ABHD3: variants seen among roughly 807,000 people sequenced by gnomAD.
ABHD3 encodes abhydrolase domain containing 3, phospholipase, also known as phospholipase ABHD3.
ABHD3 carries 46 observed loss-of-function variants against 48.8 expected under a neutral mutation model. The observed-to-expected ratio is 0.94, with a 90% CI of 0.74 to 1.20. The LOEUF is 1.20. Ranked by LOEUF, ABHD3 falls within the 50% of genes most tolerant of loss-of-function variation. The pLI is 0.00. For missense variants in ABHD3, 490 were observed against 497.8 expected (o/e 0.98, Z 0.15); for synonymous variants, 192 against 183.7 (o/e 1.04, Z -0.36).
rs765555241 is a variant in ABHD3 at position 21,702,356 on chromosome 18, T to C, written c.469A>G (p.Ile157Val). 6.2e-7 allele frequency: 1 copy of C among 1,612,960 alleles called. No individual in the cohort carries two copies. The highest frequency in any genetic ancestry group is 8.5e-7 in the Non-Finnish European group (1 of 1,179,608). The change falls in exon 3 of 9, where the codon ATC becomes GTC. Residue 157 changes from isoleucine to valine, a missense_variant. By Grantham distance (29) the Ile-to-Val change is conservative (BLOSUM62 3). Transcript: ENST00000289119. ...GLTGTSKESYILHMIHLSEEL... is the reference protein window; with the variant it reads ...GLTGTSKESYVLHMIHLSEEL... The stretch of plus-strand genomic sequence containing the variant: ...TCACTAAGATGGATCATATGAAGGA[T>C]ATATGACTCCTTGCTTGTTCCCGTG...
chr18:21,691,056 T>C (rs1237893532), intron 3 of ABHD3, among the ~76,000 whole-genome samples: 2 of 150,132 alleles, frequency 1.3e-5, no homozygotes, highest in African/African-American at 4.9e-5. Flanking sequence ...CAATACACTT[T>C]AAATACAATG....
intron 5 of ABHD3, among the ~76,000 whole-genome samples, chr18:21,659,660 G>GAGT (rs747987237): frequency 7.5e-5 from 11 of 146,664 alleles, no homozygotes; most frequent in African/African-American, 2.2e-4. Flanking sequence ...ATCACCTAGA[G>GAGT]TTTTTTTTTT....
At chr18:21,698,224 C>T (rs531425476) in intron 3 of ABHD3, among the ~76,000 whole-genome samples, 26 of 150,792 alleles carry the variant, frequency 1.7e-4, no homozygotes, top group African/African-American at 6.3e-4. Flanking sequence ...TTTGCTCTGT[C>T]GCCCAGCCTG....
intron 3 of ABHD3, among the ~76,000 whole-genome samples, chr18:21,691,524 CCTTTTT>C (rs1208868866): frequency 6.6e-6 from 1 of 152,180 alleles, no homozygotes; most frequent in Non-Finnish European, 1.5e-5. Flanking sequence ...AATTCACGTA[CCTTTTT>C]CTAAGATGCT....
chr18:21,700,458 GCA>G (rs1446569857), intron 3 of ABHD3, among the ~76,000 whole-genome samples: 1 of 150,776 alleles, frequency 6.6e-6, no homozygotes, highest in Non-Finnish European at 1.5e-5. Flanking sequence ...GAGTGCAATG[GCA>G]CAATCTTGGC....
At chr18:21,697,447 T>C (rs2040397517) in intron 3 of ABHD3, among the ~76,000 whole-genome samples, 1 of 152,128 alleles carries the variant, frequency 6.6e-6, no homozygotes, top group African/African-American at 2.4e-5. Flanking sequence ...TGGCATGATC[T>C]TGACTCACTG....
At chr18:21,682,849 A>C (rs1036806796) in intron 4 of ABHD3, 9 of 152,214 alleles carry the variant, frequency 5.9e-5, no homozygotes, top group Non-Finnish European at 1.2e-4. Context: ...TTAGAGTACT[A>C]TCTGTCTACG....
In ABHD3 at chr18:21,678,496, G is replaced by T. The variant is rs919756268; in HGVS notation, c.555+5424C>A. 3.3e-5 allele frequency among the ~76,000 whole-genome samples: 5 copies of T among 152,034 alleles called. No individual in the cohort carries two copies. In the East Asian group the frequency reaches 7.7e-4, roughly 24 times the overall value. ...GTTATAGATCCTATAACTAAAAATA[G>T]CTTTCTGTGTCTACAGATTTGCCTA... is the stretch of plus-strand genomic sequence containing the variant. On this transcript the variant is annotated intron_variant, in intron 4 of 8. Transcript: ENST00000289119.
chr18:21,663,748 T>C, intron 5 of ABHD3: 2 of 1,535,232 alleles, frequency 1.3e-6, no homozygotes, highest in Non-Finnish European at 8.7e-7. Context: ...GTAACTGGAG[T>C]GATGAAAGTC....
chr18:21,664,529 C>T (rs1003394232), intron 4 of ABHD3: 6 of 227,180 alleles, frequency 2.6e-5, no homozygotes, highest in Middle Eastern at 1.4e-3. Flanking sequence ...CATACTCAAA[C>T]GTGTCTCCAA....
rs779560041 is a variant in ABHD3 at position 21,659,223 on chromosome 18, G to A, written c.789C>T (p.Asn263=). 5 of 1,613,946 alleles carry A rather than the reference G, an allele frequency of 3.1e-6. No homozygotes were observed. The African/African-American group carries it at 6.7e-5, about 22-fold the overall frequency. ...TCAAATAGTAATTAAAAAGTAGCCA[G>A]TTCAGTGGTTTTTCCAATGACTCTG... The part of the protein sequence containing the change: ...ACSESLEKPL[N]WLLFNYYLTT... Residue 263 remains asparagine (N), a synonymous_variant, in exon 6 of 9, where the codon AAC becomes AAT. Coordinates refer to ENST00000289119, the MANE Select transcript of ABHD3 (RefSeq NM_138340.5).
In ABHD3 at chr18:21,703,607, C is replaced by A; in HGVS notation, c.303G>T (p.Ser101=). The change falls in exon 2 of 9, where the codon TCG becomes TCT. Residue 101 remains serine, a synonymous_variant. Coordinates refer to ENST00000289119, the MANE Select transcript of ABHD3 (RefSeq NM_138340.5). ...GQTLLRPFIT[S]KPPVQYRNEL... ...ACTTCCTGTACTGCACCGGGGGCTTCGAAGTGATGAAAGGTCTAAGCAGGG... is the reference window on the plus strand; with the variant it reads ...ACTTCCTGTACTGCACCGGGGGCTTAGAAGTGATGAAAGGTCTAAGCAGGG... 6.2e-7 allele frequency: 1 copy of A among 1,613,460 alleles called. No individual in the cohort carries two copies. Among genetic ancestry groups the A allele is most frequent in the Non-Finnish European group, 8.5e-7 (1 of 1,179,472 alleles).
chr18:21,685,359 A>T (rs1290868977), intron 3 of ABHD3, among the ~76,000 whole-genome samples: 1 of 152,174 alleles, frequency 6.6e-6, no homozygotes, highest in African/African-American at 2.4e-5. Flanking sequence ...CACCAGCTTC[A>T]TTTAATGTGG....
chr18:21,654,266 C>G (rs148004487), intron 8 of ABHD3, among the ~76,000 whole-genome samples: 2 of 152,192 alleles, frequency 1.3e-5, no homozygotes, highest in Admixed American at 6.5e-5. Flanking sequence ...AACTTCACAA[C>G]TTGGGCTGAG....
chr18:21,662,456 C>G (rs2039523951), intron 5 of ABHD3: 1 of 152,112 alleles, frequency 6.6e-6, no homozygotes, highest in Non-Finnish European at 1.5e-5. Flanking sequence ...AGATTTGGTA[C>G]ACAATAATCA....
At chr18:21,696,245 G>A (rs2155672) in intron 3 of ABHD3, among the ~76,000 whole-genome samples, 1,514 of 151,190 alleles carry the variant, frequency 0.01, 92 homozygotes, top group Admixed American at 0.093. Flanking sequence ...CCGGGTTCAC[G>A]ACATTCTCCT....
In ABHD3 at chr18:21,651,681, C is replaced by T. The variant is rs1196051965; in HGVS notation, c.1140G>A (p.Glu380=). The T allele has an allele frequency of 9.9e-6, 16 of 1,612,258 alleles. No individual in the cohort carries two copies. The highest frequency in any genetic ancestry group is 1.3e-5 in the African/African-American group (1 of 74,744). The part of the protein sequence containing the change: ...TSYGGHIGFL[E]GIWPRQSTYM... Reference sequence around the variant, plus strand: ...AAGTGGACTGTCTTGGCCAGATTCCCTCCAGAAAACCAATATGGCCTCCAT... The same window carrying T: ...AAGTGGACTGTCTTGGCCAGATTCCTTCCAGAAAACCAATATGGCCTCCAT... Residue 380 remains glutamate, a synonymous_variant, in exon 9 of 9, where the codon GAG becomes GAA. Coordinates refer to ENST00000289119, the MANE Select transcript of ABHD3 (RefSeq NM_138340.5).
At chr18:21,661,181 G>T (rs2039486830) in intron 5 of ABHD3, among the ~76,000 whole-genome samples, 1 of 141,934 alleles carries the variant, frequency 7.0e-6, no homozygotes, top group Admixed American at 7.2e-5. Flanking sequence ...TCAATGTATA[G>T]ACTTTTCCTG....
intron 3 of ABHD3, among the ~76,000 whole-genome samples, chr18:21,689,739 T>C (rs922829924): frequency 2.7e-5 from 4 of 150,712 alleles, no homozygotes; most frequent in African/African-American, 9.7e-5. Flanking sequence ...CCCTCATCTA[T>C]ACATATGTGA....
Sources: allele counts gnomAD v4.1 joint callset (sites outside exome capture counted in the v4.1 genomes callset), GRCh38; gene constraint gnomAD v4.1.1; transcripts MANE v1.5; gene names NCBI Gene and HGNC (gene_info 2026-07-23, HGNC 2026-07-21).